DLGAP2: variants seen among roughly 807,000 people sequenced by gnomAD.
DLGAP2 encodes the protein disks large-associated protein 2.
A neutral mutation model predicts 100.3 loss-of-function variants in DLGAP2; 26 were observed. The observed-to-expected ratio is 0.26, with a 90% confidence interval of 0.19 to 0.36. DLGAP2 has a LOEUF of 0.36. DLGAP2 is among the 10% of genes least tolerant of loss of function. DLGAP2 has a pLI of 1.00. For missense variants in DLGAP2, 1,858 were observed against 1,453.2 expected, an observed-to-expected ratio of 1.28 and a Z score of -4.53; for synonymous variants, 886 against 630.1, an observed-to-expected ratio of 1.41 and a Z score of -6.08.
intron 2 of DLGAP2, among the ~76,000 whole-genome samples, chr8:1,108,843 TG>T (rs1804863355): frequency 8.0e-6 from 1 of 125,314 alleles, no homozygotes; most frequent in African/African-American, 3.1e-5. Context: ...TGAAGTGTGC[TG>T]GGTCTGTGAG....
chr8:1,529,906 A>C (rs893063073), intron 4 of DLGAP2, among the ~76,000 whole-genome samples: 3 of 152,168 alleles, frequency 2.0e-5, no homozygotes, highest in African/African-American at 7.2e-5. Context: ...TTTATTAGGG[A>C]GTTTCAAAAG....
chr8:922,219 G>A (rs1329184178), intron 2 of DLGAP2, among the ~76,000 whole-genome samples: 14 of 152,236 alleles, frequency 9.2e-5, no homozygotes, highest in Non-Finnish European at 1.0e-4. Context: ...TAAGCTGGAA[G>A]TGGAAGCCTT....
intron 3 of DLGAP2, among the ~76,000 whole-genome samples, chr8:1,454,060 G>C (rs80028549): frequency 0.018 from 2,734 of 152,360 alleles, 41 homozygotes; most frequent in Middle Eastern, 0.068. Flanking sequence ...TTGAATGACA[G>C]ATCGCAAAGT....
chr8:828,012 G>C (rs1796714351), intron 1 of DLGAP2, among the ~76,000 whole-genome samples: 1 of 152,156 alleles, frequency 6.6e-6, no homozygotes, highest in Admixed American at 6.5e-5. Flanking sequence ...TTTTCAAAAG[G>C]GGAGGGAGTA....
intron 1 of DLGAP2, among the ~76,000 whole-genome samples, chr8:885,085 T>G (rs1233899673): frequency 6.6e-6 from 1 of 152,192 alleles, no homozygotes; most frequent in East Asian, 1.9e-4. Flanking sequence ...AGCTTTCTTC[T>G]TTTTGCTTAG....
At position 746,400 on chromosome 8, in the gene DLGAP2, G is replaced by A. The variant is rs534217862; in HGVS notation, c.18+8575G>A. On this transcript the variant is annotated intron_variant, in intron 1 of 14. Coordinates refer to ENST00000637795, the MANE Select transcript of DLGAP2 (RefSeq NM_001346810.2). Reference sequence around the variant, plus strand: ...TGCGGATGAGGAAACTGGGGAAGAGGGGTCAGATGGCGCATTGGATCCCGT... The same window carrying A: ...TGCGGATGAGGAAACTGGGGAAGAGAGGTCAGATGGCGCATTGGATCCCGT... 7.9e-5 allele frequency among the ~76,000 whole-genome samples: 12 copies of A among 152,340 alleles called. No individual in the cohort carries two copies. In the South Asian group the frequency reaches 1.7e-3, roughly 21 times the overall value.
chr8:813,605 G>GT (rs1447513202), intron 1 of DLGAP2, among the ~76,000 whole-genome samples: 1 of 152,168 alleles, frequency 6.6e-6, no homozygotes, highest in East Asian at 1.9e-4. Flanking sequence ...TATACAGTGT[G>GT]TTTTAAAGGA....
intron 3 of DLGAP2, among the ~76,000 whole-genome samples, chr8:1,501,016 T>C (rs1270003894): frequency 6.6e-6 from 1 of 151,972 alleles, no homozygotes; most frequent in Admixed American, 6.6e-5. Context: ...CCGGGGAAAA[T>C]TAGAGTGGAC....
At chr8:1,157,525 C>T (rs554681385) in intron 2 of DLGAP2, among the ~76,000 whole-genome samples, 13 of 152,292 alleles carry the variant, frequency 8.5e-5, no homozygotes, top group Admixed American at 5.9e-4. Context: ...GACTAAATTA[C>T]GTGGGCCTTT....
chr8:1,155,665 A>G (rs1427945034), intron 2 of DLGAP2, among the ~76,000 whole-genome samples: 1 of 151,404 alleles, frequency 6.6e-6, no homozygotes, highest in Non-Finnish European at 1.5e-5. Flanking sequence ...CGAGACCCCC[A>G]GGCCCCTCCG....
In DLGAP2 at chr8:1,549,598, C is replaced by T; in HGVS notation, c.1145C>T (p.Ala382Val). ...STLTVSQAKE[A>V]YRKSSLNLDK... ...CTGACGGTCAGCCAGGCCAAGGAGGCCTACCGCAAGAGCTCGCTGAACCTG... is the reference window on the plus strand; with the variant it reads ...CTGACGGTCAGCCAGGCCAAGGAGGTCTACCGCAAGAGCTCGCTGAACCTG... Residue 382 changes from alanine (A) to valine (V), a missense_variant, in exon 5 of 15, where the codon GCC becomes GTC. By Grantham distance (64) the Ala-to-Val change is moderately conservative. Transcript: ENST00000637795. 6.2e-7 allele frequency: 1 copy of T among 1,608,036 alleles called. No individual in the cohort carries two copies. The highest frequency in any genetic ancestry group is 8.5e-7 in the Non-Finnish European group (1 of 1,178,222).
intron 2 of DLGAP2, among the ~76,000 whole-genome samples, chr8:1,039,490 C>T (rs1243966936): frequency 7.1e-6 from 1 of 140,380 alleles, no homozygotes; most frequent in Non-Finnish European, 1.5e-5. Context: ...CCGTGGTCGG[C>T]TCGGTGTGCA....
At chr8:1,471,534 C>T (rs1423393933) in intron 3 of DLGAP2, among the ~76,000 whole-genome samples, 1 of 148,116 alleles carries the variant, frequency 6.8e-6, no homozygotes, top group East Asian at 2.0e-4. Context: ...CCCCTCCCCT[C>T]CCAGCCTCCT....
intron 6 of DLGAP2, among the ~76,000 whole-genome samples, chr8:1,623,315 A>T (rs550859657): frequency 1.3e-5 from 2 of 152,264 alleles, no homozygotes; most frequent in East Asian, 1.9e-4. Flanking sequence ...ATGACCTGGC[A>T]CCAGTGTGTG....
At chr8:1,652,976 G>C (rs371644621) in intron 8 of DLGAP2, among the ~76,000 whole-genome samples, 3 of 152,184 alleles carry the variant, frequency 2.0e-5, no homozygotes, top group East Asian at 1.9e-4. Context: ...GCCCATGAGA[G>C]TCGCAATTTC....
chr8:834,524 G>T (rs952918046), intron 1 of DLGAP2, among the ~76,000 whole-genome samples: 3 of 152,208 alleles, frequency 2.0e-5, no homozygotes, highest in African/African-American at 7.2e-5. Flanking sequence ...AAATCTCATT[G>T]CTGTCTTCCA....
chr8:1,470,469 C>T (rs878864505), intron 3 of DLGAP2, among the ~76,000 whole-genome samples: 2 of 152,098 alleles, frequency 1.3e-5, no homozygotes, highest in Non-Finnish European at 2.9e-5. Flanking sequence ...AAATCCCTCC[C>T]GCCACCTGCT....
At chr8:1,413,919 T>TC (rs560846360) in intron 3 of DLGAP2, among the ~76,000 whole-genome samples, 9 of 152,180 alleles carry the variant, frequency 5.9e-5, no homozygotes, top group Non-Finnish European at 1.3e-4. Context: ...CATTTTTTTT[T>TC]TCAAAAAGAG....
intron 2 of DLGAP2, among the ~76,000 whole-genome samples, chr8:1,130,560 T>C (rs578133058): frequency 2.6e-5 from 4 of 152,276 alleles, no homozygotes; most frequent in African/African-American, 4.8e-5. Flanking sequence ...TGCCGCGTTT[T>C]CTGAACCCCA....
Sources: gnomAD v4.1 joint callset for allele counts (sites outside exome capture counted in the v4.1 genomes callset) on GRCh38, gnomAD v4.1.1 for gene constraint, MANE v1.5 for transcripts, NCBI Gene and HGNC (gene_info 2026-07-23, HGNC 2026-07-21) for gene names.